Variants in LRRC37A observed in about 807,000 individuals in gnomAD.
The protein encoded by LRRC37A is leucine rich repeat containing 37A, also known as leucine-rich repeat-containing protein 37A.
LRRC37A carries 3 observed loss-of-function variants against 35.4 expected under a neutral mutation model. The observed-to-expected ratio is 0.08, with a 90% CI of 0.04 to 0.22. The LOEUF (loss-of-function observed/expected upper bound fraction) is 0.22, where lower values mean the gene tolerates loss of function less well. Among genes scored for constraint, LRRC37A ranks in the 10% least tolerant of loss-of-function variants. The pLI is 1.00. For missense variants in LRRC37A, 67 were observed against 565.3 expected, an observed-to-expected ratio of 0.12 and a Z score of 8.94; for synonymous variants, 23 against 215.0, an observed-to-expected ratio of 0.11 and a Z score of 7.81.
chr17:46,259,987 CCA>C, the LRRC37A span: 1 of 1,580,440 alleles, frequency 6.3e-7, no homozygotes, highest in East Asian at 2.4e-5. Flanking sequence ...CACCTGCTCT[CCA>C]CAGAGGTGTG....
upstream of LRRC37A, among the ~76,000 whole-genome samples, chr17:46,291,280 G>A (rs1344185660): frequency 6.6e-6 from 1 of 152,218 alleles, no homozygotes. Context: ...GAACATACAA[G>A]TGAGAGTAAA....
the LRRC37A span, among the ~76,000 whole-genome samples, chr17:46,273,789 C>T: frequency 6.6e-6 from 1 of 152,330 alleles, no homozygotes; most frequent in Non-Finnish European, 1.5e-5. Context: ...CTTTTCCTTA[C>T]ATGGAAGAAA....
chr17:46,267,560 A>G, the LRRC37A span: 251,032 of 1,599,442 alleles, frequency 0.16, 4 homozygotes, highest in Non-Finnish European at 0.18. Context: ...TGTACTTTAT[A>G]CCACCGTTTG....
chr17:46,277,890 C>T, the LRRC37A span, among the ~76,000 whole-genome samples: 1 of 152,110 alleles, frequency 6.6e-6, no homozygotes, highest in African/African-American at 2.4e-5. Context: ...AACCGCCCAC[C>T]TCAGCCTCCC....
At chr17:46,270,756 A>C in the LRRC37A span, among the ~76,000 whole-genome samples, 1 of 152,192 alleles carries the variant, frequency 6.6e-6, no homozygotes, top group South Asian at 2.1e-4. Flanking sequence ...AAAATACAAA[A>C]ATTAGCTGGG....
the LRRC37A span, chr17:46,267,193 G>A: frequency 1.7e-6 from 1 of 604,050 alleles, no homozygotes; most frequent in Admixed American, 3.5e-5. Context: ...GAGCCTTTCC[G>A]AGTCCCGGAG....
rs1285134871 is a variant in LRRC37A at position 46,336,187 on chromosome 17, T to C, written c.4859+593T>C. Among the ~76,000 whole-genome samples, 2 of 31,434 alleles carry C rather than the reference T, an allele frequency of 6.4e-5. 1 individual carries two copies. The highest frequency in any genetic ancestry group is 9.6e-5 in the African/African-American group (2 of 20,814). 20.6% of individuals were successfully genotyped at this position (31,434 alleles called of 152,430 possible). ...TGGCAGGAAACAGTATTTTCTCTTT[T>C]ATTTCTTTTTTTTTCCCCTGGATCC... On this transcript the variant is annotated intron_variant, in intron 11 of 13. Coordinates refer to ENST00000320254, the Ensembl canonical transcript of LRRC37A.
the LRRC37A span, among the ~76,000 whole-genome samples, chr17:46,277,369 G>C: frequency 1.8e-3 from 277 of 152,244 alleles, 2 homozygotes; most frequent in African/African-American, 6.5e-3. Context: ...GTCATCCTCT[G>C]GGCTCTGCCA....
chr17:46,327,081 G>A (rs1408256009), intron 7 of LRRC37A, among the ~76,000 whole-genome samples: 2 of 86,352 alleles, frequency 2.3e-5, no homozygotes, highest in Admixed American at 1.2e-4. Context: ...CCATGACATT[G>A]GCATTTTTTA....
the LRRC37A span, among the ~76,000 whole-genome samples, chr17:46,275,744 C>T: frequency 4.6e-5 from 7 of 151,794 alleles, no homozygotes; most frequent in South Asian, 2.1e-4. Context: ...GTGAAAGGTG[C>T]GTGTGTGTGT....
At chr17:46,252,083 T>C in the LRRC37A span, among the ~76,000 whole-genome samples, 2 of 152,260 alleles carry the variant, frequency 1.3e-5, no homozygotes, top group African/African-American at 4.8e-5. Context: ...GATGGAATCC[T>C]TAGTAAATGG....
the LRRC37A span, among the ~76,000 whole-genome samples, chr17:46,269,958 T>G: frequency 6.6e-6 from 1 of 152,234 alleles, no homozygotes; most frequent in Non-Finnish European, 1.5e-5. Context: ...ATTCTAAACA[T>G]TTTTCAGTTG....
the LRRC37A span, among the ~76,000 whole-genome samples, chr17:46,287,452 G>T: frequency 2.6e-5 from 4 of 152,220 alleles, no homozygotes; most frequent in African/African-American, 9.7e-5. Context: ...CCAAGTAGAA[G>T]TTACACTACA....
At chr17:46,275,289 A>G in the LRRC37A span, 19 of 629,706 alleles carry the variant, frequency 3.0e-5, no homozygotes, top group Non-Finnish European at 4.2e-5. Context: ...TCTTGTCAGG[A>G]TAGCCTCACT....
the LRRC37A span, among the ~76,000 whole-genome samples, chr17:46,277,622 A>ATTTCT: frequency 2.7e-4 from 36 of 134,938 alleles, no homozygotes; most frequent in South Asian, 1.1e-3. Context: ...CTCTGGGTAG[A>ATTTCT]TTTCTTTTCT....
At chr17:46,262,003 G>A in the LRRC37A span, among the ~76,000 whole-genome samples, 4 of 152,308 alleles carry the variant, frequency 2.6e-5, no homozygotes, top group South Asian at 8.3e-4. Context: ...AGGCTGGAGT[G>A]CAGTGATGCC....
chr17:46,319,159 G>A (rs113766101), intron 5 of LRRC37A, among the ~76,000 whole-genome samples: 1,096 of 20,692 alleles, frequency 0.053, 9 homozygotes, highest in Middle Eastern at 0.25. Flanking sequence ...TCCTTGGGTT[G>A]CTGCAAGACT....
chr17:46,269,362 T>C, the LRRC37A span, among the ~76,000 whole-genome samples: 2 of 152,160 alleles, frequency 1.3e-5, no homozygotes, highest in Admixed American at 6.5e-5. Flanking sequence ...GGAAAAACCC[T>C]GTCTCTACTA....
chr17:46,291,898 C>T (rs561828965), upstream of LRRC37A, among the ~76,000 whole-genome samples: 23 of 148,544 alleles, frequency 1.5e-4, no homozygotes, highest in African/African-American at 4.5e-4. Flanking sequence ...TAGGGGGAGG[C>T]TGCGATGGGG....
Sources: gnomAD v4.1 joint callset for allele counts (sites outside exome capture counted in the v4.1 genomes callset) on GRCh38, gnomAD v4.1.1 for gene constraint, MANE v1.5 for transcripts, NCBI Gene and HGNC (gene_info 2026-07-23, HGNC 2026-07-21) for gene names.